Variants in PPP6R3 observed in about 807,000 individuals in gnomAD.
PPP6R3 encodes the protein protein phosphatase 6 regulatory subunit 3, also known as serine/threonine-protein phosphatase 6 regulatory subunit 3.
In PPP6R3, 38 loss-of-function variants were observed where a neutral mutation model predicts 110.7. The observed-to-expected ratio is 0.34, with a 90% CI of 0.26 to 0.45. PPP6R3 has a LOEUF of 0.45. Ranked by LOEUF, PPP6R3 falls within the 20% of genes least tolerant of loss-of-function variation. The pLI is 1.00. For synonymous variants in PPP6R3, 369 were observed against 373.5 expected (o/e 0.99, Z 0.14); for missense variants, 870 against 1,062.4 (o/e 0.82, Z 2.52).
At chr11:68,531,307 T>TTTTGTTTTA (rs1555114423) in intron 2 of PPP6R3, among the ~76,000 whole-genome samples, 1 of 136,952 alleles carries the variant, frequency 7.3e-6, no homozygotes, top group South Asian at 2.5e-4. Flanking sequence ...TGAGACTGTG[T>TTTTGTTTTA]TTTATTTATT....
chr11:68,502,416 A>T (rs2099053413), intron 1 of PPP6R3, among the ~76,000 whole-genome samples: 1 of 152,164 alleles, frequency 6.6e-6, no homozygotes, highest in African/African-American at 2.4e-5. Flanking sequence ...CATATATCAG[A>T]ATTATTATCA....
chr11:68,535,567 A>T (rs903469374), intron 2 of PPP6R3: 5 of 152,084 alleles, frequency 3.3e-5, no homozygotes, highest in African/African-American at 1.2e-4. Context: ...TAAAGCATTT[A>T]AAGTTTTTTT....
intron 2 of PPP6R3, among the ~76,000 whole-genome samples, chr11:68,521,268 G>A (rs956187686): frequency 6.6e-6 from 1 of 152,116 alleles, no homozygotes; most frequent in African/African-American, 2.4e-5. Flanking sequence ...TATTTTGTGA[G>A]CAAACAGCTG....
At chr11:68,481,836 C>T (rs77048361) in intron 1 of PPP6R3, among the ~76,000 whole-genome samples, 3,259 of 152,192 alleles carry the variant, frequency 0.021, 126 homozygotes, top group African/African-American at 0.074. Flanking sequence ...TTGTCACTTG[C>T]GCTTGGTTCT....
rs553475764 is a variant in PPP6R3, at chr11:68,613,388, C to T, written c.*271C>T. On this transcript the variant is annotated 3_prime_UTR_variant, in exon 24 of 24. Transcript: ENST00000393800. ...GGTAGCCTGTGAAATAAGATCTTGC[C>T]ACCCATGTAATAATAGTAGTAATAC... is the stretch of plus-strand genomic sequence containing the variant. 1.7e-4 allele frequency: 198 copies of T among 1,169,860 alleles called. 2 individuals are homozygous for T. In the South Asian group the frequency reaches 5.5e-3, roughly 32 times the overall value. 72.5% of individuals were successfully genotyped at this position (1,169,860 alleles called of 1,614,324 possible).
chr11:68,570,952 A>G (rs566728893), intron 11 of PPP6R3, 88 bp from the exon 12 acceptor site: 2 of 1,463,234 alleles, frequency 1.4e-6, no homozygotes, highest in South Asian at 1.3e-5. Context: ...TATGCATACT[A>G]CTATTCTCTT....
intron 8 of PPP6R3, among the ~76,000 whole-genome samples, chr11:68,563,129 G>T (rs2099432848): frequency 6.6e-6 from 1 of 150,426 alleles, no homozygotes. Flanking sequence ...AGCCAGGCAT[G>T]GTGACATGTG....
chr11:68,464,736 A>G (rs1303465855), intron 1 of PPP6R3, among the ~76,000 whole-genome samples: 1 of 152,292 alleles, frequency 6.6e-6, no homozygotes, highest in South Asian at 2.1e-4. Flanking sequence ...ACATTACCAT[A>G]CTGTGCTGAA....
intron 1 of PPP6R3, among the ~76,000 whole-genome samples, chr11:68,489,457 C>T (rs545330894): frequency 3.3e-5 from 5 of 151,844 alleles, no homozygotes; most frequent in African/African-American, 1.2e-4. Context: ...AATCCATGTC[C>T]ACTTTCAAAT....
intron 8 of PPP6R3, 48 bp downstream of exon 8, chr11:68,558,727 C>T (rs2099408388): frequency 1.4e-6 from 2 of 1,422,114 alleles, no homozygotes; most frequent in Non-Finnish European, 2.0e-6. Context: ...GTTTTGCTTT[C>T]AGATTTAAGA....
intron 19 of PPP6R3, among the ~76,000 whole-genome samples, chr11:68,600,062 C>T (rs2099626784): frequency 6.6e-6 from 1 of 152,098 alleles, no homozygotes; most frequent in Non-Finnish European, 1.5e-5. Flanking sequence ...GCGGAGCTTG[C>T]AGTGAGCGGA....
chr11:68,578,052 T>A (rs1281938406), intron 14 of PPP6R3, among the ~76,000 whole-genome samples: 2 of 152,164 alleles, frequency 1.3e-5, no homozygotes. Context: ...AAATACCACT[T>A]CCGTTTAGTC....
Position 68,489,782 on chromosome 11 carries a change from A to G in PPP6R3, c.-158+28955A>G, listed in dbSNP as rs968631484. Among the ~76,000 whole-genome samples the G allele has an allele frequency of 5.3e-5, 8 of 152,118 alleles. No individual in the cohort carries two copies. In the South Asian group the frequency reaches 6.2e-4, roughly 12 times the overall value. ...AATAATGTTTGCATATGGGAAACCAATATATTCGTGTGACTTACTTTATTG... is the reference window on the plus strand; with the variant it reads ...AATAATGTTTGCATATGGGAAACCAGTATATTCGTGTGACTTACTTTATTG... On this transcript the variant is annotated intron_variant, in intron 1 of 23. Transcript: ENST00000393800.
chr11:68,593,212 G>A (rs7118897), intron 18 of PPP6R3, among the ~76,000 whole-genome samples: 38,531 of 67,222 alleles, frequency 0.57, 5,109 homozygotes, highest in Admixed American at 0.58. Flanking sequence ...CCCCACAACC[G>A]TCTGTTTTTT....
At chr11:68,601,536 C>A (rs745573534) in intron 20 of PPP6R3, among the ~76,000 whole-genome samples, 2 of 152,204 alleles carry the variant, frequency 1.3e-5, no homozygotes, top group Non-Finnish European at 2.9e-5. Flanking sequence ...CAATGTACGT[C>A]TTTGCTGTTC....
At chr11:68,535,181 A>G (rs1434300737) in intron 2 of PPP6R3, among the ~76,000 whole-genome samples, 3 of 152,136 alleles carry the variant, frequency 2.0e-5, no homozygotes, top group Admixed American at 6.6e-5. Context: ...CTTCACGGCA[A>G]ATGTGTTACA....
chr11:68,550,017 A>G (rs1035326749), intron 5 of PPP6R3, among the ~76,000 whole-genome samples: 1 of 152,128 alleles, frequency 6.6e-6, no homozygotes, highest in Non-Finnish European at 1.5e-5. Flanking sequence ...CGCCCCTCAC[A>G]TAGATGTTTA....
intron 1 of PPP6R3, among the ~76,000 whole-genome samples, chr11:68,512,156 T>G (rs1273448973): frequency 6.6e-6 from 1 of 152,214 alleles, no homozygotes; most frequent in Non-Finnish European, 1.5e-5. Context: ...ATAGTTTTCC[T>G]TCTATATTAG....
chr11:68,596,509 G>T (rs975093108), intron 19 of PPP6R3, among the ~76,000 whole-genome samples: 5 of 152,232 alleles, frequency 3.3e-5, no homozygotes, highest in Non-Finnish European at 5.9e-5. Flanking sequence ...TCTTCTGGCT[G>T]TGTACCCTGT....
Sources: allele counts gnomAD v4.1 joint callset (sites outside exome capture counted in the v4.1 genomes callset), GRCh38; gene constraint gnomAD v4.1.1; transcripts MANE v1.5; gene names NCBI Gene and HGNC (gene_info 2026-07-23, HGNC 2026-07-21).